GPR155: variants seen among roughly 807,000 people sequenced by gnomAD.
GPR155 encodes the protein lysosomal cholesterol signaling protein.
In GPR155, 65 loss-of-function variants were observed where a neutral mutation model predicts 93.1. The ratio of observed to expected loss-of-function variants is 0.70; its 90% CI spans 0.57 to 0.86. The LOEUF (loss-of-function observed/expected upper bound fraction) is 0.86, where lower values mean the gene tolerates loss of function less well. Ranked by LOEUF, GPR155 falls within the 40% of genes least tolerant of loss-of-function variation. The pLI is 0.00. For synonymous variants in GPR155, 319 were observed against 360.1 expected, an observed-to-expected ratio of 0.89 and a Z score of 1.29; for missense variants, 838 against 1,034.8, an observed-to-expected ratio of 0.81 and a Z score of 2.61.
intron 11 of GPR155, among the ~76,000 whole-genome samples, chr2:174,449,690 A>G (rs1422633939): frequency 3.3e-5 from 5 of 152,062 alleles, no homozygotes; most frequent in Non-Finnish European, 5.9e-5. Flanking sequence ...AAAAAACTAA[A>G]CAAGTCCGGA....
At position 174,436,385 on chromosome 2, in the gene GPR155, A is replaced by G; in HGVS notation, c.2344T>C (p.Cys782Arg). 1 of 1,614,180 alleles carries G rather than the reference A, an allele frequency of 6.2e-7. No homozygotes were observed. The highest frequency in any genetic ancestry group is 1.1e-5 in the South Asian group (1 of 91,080). ...CGAKTSAGTF[C>R]GCDLVSWLIE... ...AGCCAGCTCACCAGGTCACAGCCAC[A>G]GAAAGTTCCAGCAGAAGTCTTTGCA... The change falls in exon 16 of 16, where the codon TGT becomes CGT. Residue 782 changes from cysteine (C) to arginine (R), a missense_variant. Cys to Arg is a radical substitution (Grantham distance 180). Transcript: ENST00000392552.
At position 174,445,148 on chromosome 2, in the gene GPR155, A is replaced by T; in HGVS notation, c.2042T>A (p.Phe681Tyr). The T allele has an allele frequency of 6.3e-7, 1 of 1,586,340 alleles. No homozygotes were observed. Among genetic ancestry groups the T allele is most frequent in the Non-Finnish European group, 8.7e-7 (1 of 1,154,892 alleles). Residue 681 changes from phenylalanine to tyrosine, a missense_variant, in exon 13 of 16, where the codon TTC becomes TAC. Physicochemically the swap from Phe to Tyr is conservative, Grantham distance 22. This residue lies in a region of GPR155 where 29 missense variants were observed against 67.1 expected (regional missense o/e 0.43). Transcript: ENST00000392552. ...ANLSSCLWWL[F>Y]NQEPGRLYVE... ...ATAAAGTCTTCCAGGCTCTTGGTTGAATAGCCACCATAAACAACTGGAAAG... is the reference window on the plus strand; with the variant it reads ...ATAAAGTCTTCCAGGCTCTTGGTTGTATAGCCACCATAAACAACTGGAAAG...
chr2:174,467,926 G>C (rs971074733), intron 5 of GPR155, among the ~76,000 whole-genome samples: 1 of 152,034 alleles, frequency 6.6e-6, no homozygotes, highest in Non-Finnish European at 1.5e-5. Flanking sequence ...AGTAGAGATG[G>C]GGATTCTCCA....
intron 13 of GPR155, among the ~76,000 whole-genome samples, chr2:174,442,561 GT>G (rs1234096027): frequency 2.0e-5 from 3 of 152,178 alleles, no homozygotes; most frequent in Non-Finnish European, 2.9e-5. Context: ...TAATTAACAA[GT>G]GTTGCAGTAT....
intron 10 of GPR155, among the ~76,000 whole-genome samples, chr2:174,456,501 C>T (rs1278886773): frequency 6.6e-6 from 1 of 151,900 alleles, no homozygotes; most frequent in Non-Finnish European, 1.5e-5. Context: ...ATGGGTTTTG[C>T]CATGTTGCCC....
chr2:174,460,153 CATTTTTTT>C, intron 9 of GPR155, 65 bp from the exon 10 acceptor site: 1 of 557,662 alleles, frequency 1.8e-6, no homozygotes, highest in Non-Finnish European at 2.8e-6. Context: ...TCTTAGGGCA[CATTTTTTT>C]TTTTTTTTTT....
chr2:174,455,138 A>G (rs571586999), intron 10 of GPR155, among the ~76,000 whole-genome samples: 7 of 152,096 alleles, frequency 4.6e-5, no homozygotes, highest in Non-Finnish European at 8.8e-5. Flanking sequence ...TCATTACACA[A>G]TGATCTCCAG....
At chr2:174,475,607 A>G (rs1353744287) in intron 2 of GPR155, among the ~76,000 whole-genome samples, 2 of 152,182 alleles carry the variant, frequency 1.3e-5, no homozygotes, top group East Asian at 3.9e-4. Flanking sequence ...ATAAAACTTT[A>G]TAAGTTCTTT....
intron 3 of GPR155, among the ~76,000 whole-genome samples, chr2:174,471,029 A>T (rs1172386040): frequency 6.6e-6 from 1 of 152,138 alleles, no homozygotes; most frequent in Non-Finnish European, 1.5e-5. Context: ...AAAAAAAAAA[A>T]AAAGCTGAAC....
intron 12 of GPR155, among the ~76,000 whole-genome samples, chr2:174,446,188 T>C (rs892200593): frequency 6.6e-6 from 1 of 151,238 alleles, no homozygotes; most frequent in Non-Finnish European, 1.5e-5. Flanking sequence ...GCGCCTGTAA[T>C]CCCAACTACT....
intron 9 of GPR155, among the ~76,000 whole-genome samples, chr2:174,460,293 TG>T (rs1207508148): frequency 6.6e-6 from 1 of 150,976 alleles, no homozygotes; most frequent in Admixed American, 6.7e-5. Flanking sequence ...CCCAAGTAGC[TG>T]GGAATACAGG....
At chr2:174,452,919 G>A (rs112772319) in intron 11 of GPR155, among the ~76,000 whole-genome samples, 5,579 of 152,266 alleles carry the variant, frequency 0.037, 342 homozygotes, top group African/African-American at 0.13. Context: ...CAAAGTGCTG[G>A]GATTACAGGC....
At position 174,440,052 on chromosome 2, in the gene GPR155, T is replaced by C; in HGVS notation, c.2175-17A>G. The C allele has an allele frequency of 6.2e-7, 1 of 1,602,908 alleles. No individual in the cohort carries two copies. Among genetic ancestry groups the C allele is most frequent in the Non-Finnish European group, 8.5e-7 (1 of 1,174,540 alleles). ...AATTCAAGTCTGAAAATCAAATTTA[T>C]GGCCATTTTTAAGGACAGAAAAGCA... On this transcript the variant is annotated splice_polypyrimidine_tract_variant and intron_variant, in intron 14 of 15. Transcript: ENST00000392552.
intron 4 of GPR155, 57 bp from the exon 5 acceptor site, chr2:174,469,124 C>T (rs1035993180): frequency 6.8e-7 from 1 of 1,460,140 alleles, no homozygotes; most frequent in Non-Finnish European, 9.5e-7. Flanking sequence ...GTATTTTAAA[C>T]TTTAAATAAC....
intron 10 of GPR155, among the ~76,000 whole-genome samples, chr2:174,456,047 G>A (rs1057101603): frequency 1.3e-5 from 2 of 151,992 alleles, no homozygotes; most frequent in Non-Finnish European, 2.9e-5. Context: ...TCACCATGTT[G>A]GCCAGGCTGG....
chr2:174,467,334 T>C (rs761625277), intron 5 of GPR155, among the ~76,000 whole-genome samples: 1 of 152,016 alleles, frequency 6.6e-6, no homozygotes, highest in Non-Finnish European at 1.5e-5. Flanking sequence ...ACCCCACCTC[T>C]ACTGGGTGTG....
intron 10 of GPR155, among the ~76,000 whole-genome samples, chr2:174,459,403 C>T (rs1687615644): frequency 1.3e-5 from 2 of 152,122 alleles, no homozygotes; most frequent in Non-Finnish European, 1.5e-5. Flanking sequence ...GACTTATAAA[C>T]AAAAATCTAA....
chr2:174,456,538 G>C (rs535692173), intron 10 of GPR155, among the ~76,000 whole-genome samples: 1 of 151,906 alleles, frequency 6.6e-6, no homozygotes, highest in South Asian at 2.1e-4. Flanking sequence ...CCTGAGCTTA[G>C]GCAATTCACC....
At chr2:174,447,429 T>G (rs1687168921) in intron 11 of GPR155, among the ~76,000 whole-genome samples, 1 of 146,430 alleles carries the variant, frequency 6.8e-6, no homozygotes, top group Non-Finnish European at 1.5e-5. Flanking sequence ...ATAAATAATA[T>G]ATACACATTA....
Sources: allele counts gnomAD v4.1 joint callset (sites outside exome capture counted in the v4.1 genomes callset), GRCh38; gene constraint gnomAD v4.1.1; regional missense constraint gnomAD v4.1.1; transcripts MANE v1.5; gene names NCBI Gene and HGNC (gene_info 2026-07-23, HGNC 2026-07-21).